Variants in RPS6KC1 observed in about 807,000 individuals in gnomAD.
RPS6KC1 encodes inactive ribosomal protein S6 kinase delta-1.
A neutral mutation model predicts 103.8 loss-of-function variants in RPS6KC1; 54 were observed. The observed-to-expected ratio is 0.52, with a 90% CI of 0.42 to 0.65. The LOEUF is 0.65. Ranked by LOEUF, RPS6KC1 falls within the 30% of genes least tolerant of loss-of-function variation. The pLI is 0.00. For synonymous variants in RPS6KC1, 439 were observed against 438.7 expected (o/e 1.00, Z -0.01); for missense variants, 1,151 against 1,253.8 (o/e 0.92, Z 1.24).
At chr1:213,788,711 C>G in the RPS6KC1 span, among the ~76,000 whole-genome samples, 1 of 152,186 alleles carries the variant, frequency 6.6e-6, no homozygotes, top group Non-Finnish European at 1.5e-5. Context: ...TACAAAATCT[C>G]TCTTAACATT....
At chr1:213,314,650 C>T in the RPS6KC1 span, among the ~76,000 whole-genome samples, 3 of 147,486 alleles carry the variant, frequency 2.0e-5, no homozygotes, top group East Asian at 2.0e-4. Flanking sequence ...TTTTGGACCA[C>T]GGTGGCTTTT....
chr1:213,413,397 A>T, the RPS6KC1 span, among the ~76,000 whole-genome samples: 1 of 152,222 alleles, frequency 6.6e-6, no homozygotes, highest in African/African-American at 2.4e-5. Flanking sequence ...TAATAAACAC[A>T]TTATCTCACA....
At chr1:213,110,760 CCT>C (rs558100390) in intron 4 of RPS6KC1, among the ~76,000 whole-genome samples, 217 of 152,136 alleles carry the variant, frequency 1.4e-3, no homozygotes, top group African/African-American at 5.0e-3. Flanking sequence ...TAGCTTGACC[CCT>C]CTCTGGTCTC....
chr1:213,464,546 A>T, the RPS6KC1 span, among the ~76,000 whole-genome samples: 3 of 152,158 alleles, frequency 2.0e-5, no homozygotes, highest in Non-Finnish European at 4.4e-5. Context: ...CTTTTAAAAA[A>T]ATATATTATC....
the RPS6KC1 span, among the ~76,000 whole-genome samples, chr1:213,579,535 A>G: frequency 2.0e-5 from 3 of 152,156 alleles, no homozygotes; most frequent in African/African-American, 4.8e-5. Context: ...GGGGGCTATA[A>G]TAGACAACAG....
chr1:213,713,679 CCACAGA>C, the RPS6KC1 span, among the ~76,000 whole-genome samples: 3 of 152,174 alleles, frequency 2.0e-5, no homozygotes, highest in Non-Finnish European at 2.9e-5. Flanking sequence ...TTCCCTGCTG[CCACAGA>C]CACAGATTAC....
intron 5 of RPS6KC1, among the ~76,000 whole-genome samples, chr1:213,120,735 G>A (rs71634700): frequency 6.6e-6 from 1 of 152,168 alleles, no homozygotes; most frequent in Non-Finnish European, 1.5e-5. Context: ...GAATTAGCTA[G>A]CTGGTGGAGT....
chr1:213,340,836 C>T, the RPS6KC1 span, among the ~76,000 whole-genome samples: 10 of 152,008 alleles, frequency 6.6e-5, no homozygotes, highest in African/African-American at 1.5e-4. Flanking sequence ...TGAGGGCAGG[C>T]GGGGCCTGCC....
At chr1:213,052,210 G>C (rs1417968761) in intron 1 of RPS6KC1, among the ~76,000 whole-genome samples, 1 of 152,146 alleles carries the variant, frequency 6.6e-6, no homozygotes, top group Non-Finnish European at 1.5e-5. Context: ...GCATCTTCTA[G>C]GAAAGTAAGA....
the RPS6KC1 span, among the ~76,000 whole-genome samples, chr1:213,700,858 T>G: frequency 2.0e-5 from 3 of 152,074 alleles, no homozygotes; most frequent in Non-Finnish European, 2.9e-5. Context: ...TTCAGATTCT[T>G]CACTGTTGGC....
the RPS6KC1 span, among the ~76,000 whole-genome samples, chr1:213,500,891 G>A: frequency 9.2e-5 from 14 of 152,140 alleles, no homozygotes; most frequent in East Asian, 7.7e-4. Context: ...CATATCCACC[G>A]TAGAATATAC....
downstream of RPS6KC1, among the ~76,000 whole-genome samples, chr1:213,278,754 T>C (rs1264354778): frequency 6.6e-6 from 1 of 152,160 alleles, no homozygotes; most frequent in Non-Finnish European, 1.5e-5. Flanking sequence ...TAGGGCAGAA[T>C]GTGGCAAGTG....
the RPS6KC1 span, among the ~76,000 whole-genome samples, chr1:213,513,463 A>AAGAG: frequency 2.3e-5 from 2 of 88,040 alleles, no homozygotes; most frequent in Non-Finnish European, 6.0e-5. Context: ...CAATTGAAGA[A>AAGAG]AGAGATAGCA....
intron 8 of RPS6KC1, among the ~76,000 whole-genome samples, chr1:213,177,783 A>G (rs185469790): frequency 5.3e-5 from 8 of 152,300 alleles, no homozygotes; most frequent in Admixed American, 3.9e-4. Context: ...TTCTTGAGGT[A>G]CAGTGTCTGC....
At chr1:213,184,908 T>C (rs1341163658) in intron 8 of RPS6KC1, among the ~76,000 whole-genome samples, 12 of 152,226 alleles carry the variant, frequency 7.9e-5, no homozygotes, top group Non-Finnish European at 1.5e-5. Context: ...GCCTATTTTG[T>C]GGTCTGTTCT....
the RPS6KC1 span, among the ~76,000 whole-genome samples, chr1:213,679,675 T>C: frequency 7.2e-5 from 11 of 152,190 alleles, no homozygotes. Flanking sequence ...TTTTCTTCCA[T>C]GTCCAATTCA....
the RPS6KC1 span, among the ~76,000 whole-genome samples, chr1:213,288,344 A>T: frequency 1.3e-5 from 2 of 152,246 alleles, no homozygotes; most frequent in African/African-American, 4.8e-5. Context: ...CTCACCTTGC[A>T]TACAAAGAAT....
chr1:213,200,342 C>G (rs2093115824), intron 8 of RPS6KC1, among the ~76,000 whole-genome samples: 2 of 152,122 alleles, frequency 1.3e-5, no homozygotes, highest in South Asian at 4.1e-4. Context: ...ATACCCACAA[C>G]TATCTGATCT....
intron 2 of RPS6KC1, 46 bp downstream of exon 2, chr1:213,071,087 T>A: frequency 2.5e-6 from 3 of 1,182,666 alleles, no homozygotes. Context: ...GATAAAAATT[T>A]AACTAAATGC....
Sources: allele counts gnomAD v4.1 joint callset (sites outside exome capture counted in the v4.1 genomes callset), GRCh38; gene constraint gnomAD v4.1.1; transcripts MANE v1.5; gene names NCBI Gene and HGNC (gene_info 2026-07-23, HGNC 2026-07-21).